Variants in MACC1 observed in about 807,000 individuals in gnomAD.
MACC1 encodes MET transcriptional regulator MACC1, also known as metastasis-associated in colon cancer protein 1.
Under a neutral mutation model 70.7 loss-of-function variants are expected in MACC1, and 79 were observed. That is an observed-to-expected ratio of 1.12 (90% confidence interval 0.93 to 1.35). The LOEUF (loss-of-function observed/expected upper bound fraction) is 1.35, where lower values mean the gene tolerates loss of function less well. Among genes scored for constraint, MACC1 ranks in the 40% most tolerant of loss-of-function variants. The probability of loss-of-function intolerance (pLI) is 0.00; values close to 1 mark genes in which losing one functional copy is unlikely to be tolerated. For missense variants in MACC1, 1,106 were observed against 978.1 expected (o/e 1.13, Z -1.74); for synonymous variants, 361 against 347.2 (o/e 1.04, Z -0.44).
chr7:20,147,710 T>C (rs796140845), intron 6 of MACC1, among the ~76,000 whole-genome samples: 43 of 152,256 alleles, frequency 2.8e-4, no homozygotes, highest in African/African-American at 9.9e-4. Flanking sequence ...AAGATTCCAT[T>C]GAAAAAGTCT....
chr7:20,144,309 AG>A lies in MACC1; in HGVS notation c.2347-3152del, dbSNP rs569019803. Among the ~76,000 whole-genome samples the A allele has an allele frequency of 6.5e-4, 99 of 152,318 alleles. 1 individual carries two copies. The highest frequency in any genetic ancestry group is 2.4e-3 in the African/African-American group (98 of 41,578). ...CAAACACTGGCACAGGGGATGAAAT[AG>A]GATGTGATAATTACAGAAAAACTCA... On this transcript the variant is annotated intron_variant, in intron 6 of 6. Coordinates refer to ENST00000400331, the MANE Select transcript of MACC1 (RefSeq NM_182762.4).
At chr7:20,149,820 T>A (rs567681820) in intron 6 of MACC1, among the ~76,000 whole-genome samples, 1 of 152,326 alleles carries the variant, frequency 6.6e-6, no homozygotes, top group Admixed American at 6.5e-5. Context: ...TAATTACTCC[T>A]CACCACTTTG....
chr7:20,203,501 T>A (rs1333215107), intron 1 of MACC1, among the ~76,000 whole-genome samples: 2 of 152,144 alleles, frequency 1.3e-5, no homozygotes, highest in Admixed American at 6.6e-5. Context: ...GAATGATGCA[T>A]CCAATTTTTA....
At chr7:20,186,724 T>C (rs922929374) in intron 1 of MACC1, among the ~76,000 whole-genome samples, 1 of 152,076 alleles carries the variant, frequency 6.6e-6, no homozygotes, top group East Asian at 1.9e-4. Context: ...ATAACACTTT[T>C]TGAAAACCTA....
At chr7:20,183,871 C>A (rs1216786672) in intron 1 of MACC1, among the ~76,000 whole-genome samples, 2 of 152,008 alleles carry the variant, frequency 1.3e-5, no homozygotes, top group Non-Finnish European at 1.5e-5. Flanking sequence ...CCATGCCCAG[C>A]TAATTTTTGT....
At chr7:20,201,816 G>T (rs972007977) in intron 1 of MACC1, among the ~76,000 whole-genome samples, 1 of 152,162 alleles carries the variant, frequency 6.6e-6, no homozygotes, top group African/African-American at 2.4e-5. Context: ...GACCACCTTA[G>T]ATTCCATTTT....
intron 1 of MACC1, among the ~76,000 whole-genome samples, chr7:20,212,303 C>T (rs1273941608): frequency 2.0e-5 from 3 of 152,144 alleles, no homozygotes; most frequent in Non-Finnish European, 2.9e-5. Flanking sequence ...ACATACAAAA[C>T]TCTTCTACCA....
chr7:20,138,386 T>G lies in MACC1; in HGVS notation c.*2560A>C, dbSNP rs1781748561. 1 of 152,102 alleles carries G rather than the reference T, an allele frequency of 6.6e-6. No homozygotes were observed. The highest frequency in any genetic ancestry group is 1.5e-5 in the Non-Finnish European group (1 of 68,016). The allele number at this position is 152,102 out of a possible 1,614,324, so 9.4% of individuals were successfully genotyped here. Reference sequence around the variant, plus strand: ...TTACTACACTAATCAGCTAACAAGATCTCTGTCTTCTTAGATCTTGGAGCC... The same window carrying G: ...TTACTACACTAATCAGCTAACAAGAGCTCTGTCTTCTTAGATCTTGGAGCC... On this transcript the variant is annotated 3_prime_UTR_variant, in exon 7 of 7. Coordinates refer to ENST00000400331, the MANE Select transcript of MACC1 (RefSeq NM_182762.4).
intron 1 of MACC1, among the ~76,000 whole-genome samples, chr7:20,194,070 C>A (rs917733966): frequency 6.6e-6 from 1 of 152,252 alleles, no homozygotes; most frequent in Non-Finnish European, 1.5e-5. Flanking sequence ...CTCCATGTCT[C>A]CATCTGTAAA....
chr7:20,173,670 C>T (rs553949967), intron 1 of MACC1, among the ~76,000 whole-genome samples: 18 of 152,184 alleles, frequency 1.2e-4, no homozygotes, highest in Non-Finnish European at 2.2e-4. Flanking sequence ...TTATCTGCTT[C>T]AAACCTATTG....
chr7:20,141,958 TCA>T (rs917736166), intron 6 of MACC1: 1 of 149,698 alleles, frequency 6.7e-6, no homozygotes, highest in East Asian at 2.0e-4. Flanking sequence ...CACACACACG[TCA>T]CACACACAGC....
intron 1 of MACC1, among the ~76,000 whole-genome samples, chr7:20,172,366 G>A (rs1272226934): frequency 1.3e-5 from 2 of 152,126 alleles, no homozygotes; most frequent in African/African-American, 4.8e-5. Flanking sequence ...ATATAAGTAC[G>A]TAGTCCAACA....
chr7:20,144,712 T>C (rs1245590970), intron 6 of MACC1, among the ~76,000 whole-genome samples: 3 of 152,038 alleles, frequency 2.0e-5, no homozygotes, highest in African/African-American at 7.2e-5. Context: ...GATAAAAAAT[T>C]ACAGTTGGAA....
rs1043207004 is a variant in MACC1 at position 20,134,656 on chromosome 7, T to C, written c.*6290A>G. On this transcript the variant is annotated 3_prime_UTR_variant, in exon 7 of 7. Coordinates refer to ENST00000400331, the MANE Select transcript of MACC1 (RefSeq NM_182762.4). ...CAATAACTTAATCATAACTAAAGATTTGATTTTTCAATGACTCACTCTATT... is the reference window on the plus strand; with the variant it reads ...CAATAACTTAATCATAACTAAAGATCTGATTTTTCAATGACTCACTCTATT... The C allele has an allele frequency of 6.6e-6, 1 of 152,188 alleles. No homozygotes were observed. The highest frequency in any genetic ancestry group is 6.5e-5 in the Admixed American group (1 of 15,278). The allele number at this position is 152,188 out of a possible 1,614,324, so 9.4% of individuals were successfully genotyped here.
chr7:20,159,949 T>C lies in MACC1; in HGVS notation c.412A>G (p.Lys138Glu). ...ATGTCCAGAAGTTCTGAAACACTTT[T>C]AGATCTTCCAGAATTTCTTGAGGAA... The part of the protein sequence containing the change: ...QTSSRNSGRS[K>E]SVSELLDILD... Residue 138 changes from lysine to glutamate, a missense_variant, in exon 5 of 7, where the codon AAA (lysine) becomes GAA (glutamate). Coordinates refer to ENST00000400331, the MANE Select transcript of MACC1 (RefSeq NM_182762.4). The C allele has an allele frequency of 6.2e-7, 1 of 1,614,140 alleles. No homozygotes were observed. Among genetic ancestry groups the C allele is most frequent in the Non-Finnish European group, 8.5e-7 (1 of 1,180,004 alleles).
At chr7:20,192,184 CTTATATCT>C (rs1782682128) in intron 1 of MACC1, among the ~76,000 whole-genome samples, 2 of 152,204 alleles carry the variant, frequency 1.3e-5, no homozygotes, top group South Asian at 4.1e-4. Flanking sequence ...TAATGCTCTA[CTTATATCT>C]TTATTATTCT....
intron 1 of MACC1, among the ~76,000 whole-genome samples, chr7:20,192,491 T>A (rs556736495): frequency 6.6e-6 from 1 of 152,202 alleles, no homozygotes; most frequent in Non-Finnish European, 1.5e-5. Flanking sequence ...AAGCCCTGAC[T>A]TCTAGTCATC....
chr7:20,187,730 T>A lies in MACC1; in HGVS notation c.-217-16952A>T, dbSNP rs1035370252. On this transcript the variant is annotated intron_variant, in intron 1 of 6. Transcript: ENST00000400331. ...TTGGGGTTGTTAACCCCAGCTGGGCTCTTCATGCTGCCAGACAATGCAACT... is the reference window on the plus strand; with the variant it reads ...TTGGGGTTGTTAACCCCAGCTGGGCACTTCATGCTGCCAGACAATGCAACT... Among the ~76,000 whole-genome samples the A allele has an allele frequency of 2.0e-5, 3 of 152,342 alleles. No homozygotes were observed. In the South Asian group the frequency reaches 6.2e-4, roughly 32 times the overall value.
chr7:20,145,994 C>T (rs1781884676), intron 6 of MACC1, among the ~76,000 whole-genome samples: 1 of 151,942 alleles, frequency 6.6e-6, no homozygotes, highest in Non-Finnish European at 1.5e-5. Flanking sequence ...AGCCCTGTAT[C>T]TATTAAAAAT....
Sources: allele counts gnomAD v4.1 joint callset (sites outside exome capture counted in the v4.1 genomes callset), GRCh38; gene constraint gnomAD v4.1.1; transcripts MANE v1.5; gene names NCBI Gene and HGNC (gene_info 2026-07-23, HGNC 2026-07-21).